The following HTR1F variants were observed in gnomAD, a reference collection of about 807,000 sequenced individuals.
HTR1F encodes 5-hydroxytryptamine receptor 1F, also known as 5-hydroxytryptamine (serotonin) receptor 1F, G protein-coupled.
HTR1F carries 17 observed loss-of-function variants against 24.0 expected under a neutral mutation model. The observed-to-expected ratio is 0.71, with a 90% CI of 0.48 to 1.06. HTR1F has a LOEUF of 1.06. Among genes scored for constraint, HTR1F ranks in the 50% least tolerant of loss-of-function variants. HTR1F has a pLI of 0.00. For synonymous variants in HTR1F, 186 were observed against 156.8 expected, an observed-to-expected ratio of 1.19 and a Z score of -1.39; for missense variants, 391 against 427.8, an observed-to-expected ratio of 0.91 and a Z score of 0.76.
At chr3:87,800,371 T>G (rs1197084820) in intron 1 of HTR1F, among the ~76,000 whole-genome samples, 1 of 152,174 alleles carries the variant, frequency 6.6e-6, no homozygotes, top group African/African-American at 2.4e-5. Flanking sequence ...TCCTTTCTTC[T>G]CTCAGCTCTG....
chr3:87,978,928 G>A (rs72917755), intron 2 of HTR1F, among the ~76,000 whole-genome samples: 9,893 of 70,210 alleles, frequency 0.14, 1,486 homozygotes, highest in African/African-American at 0.28. Context: ...AAGGAAGGAA[G>A]GAAGGAAAAG....
chr3:87,871,397 C>G (rs768081844), intron 2 of HTR1F, among the ~76,000 whole-genome samples: 107 of 151,856 alleles, frequency 7.0e-4, no homozygotes, highest in Admixed American at 1.5e-3. Flanking sequence ...GAAGAAAAGC[C>G]TATGGGACTT....
chr3:87,932,585 G>A (rs574002045), intron 2 of HTR1F, among the ~76,000 whole-genome samples: 2 of 152,244 alleles, frequency 1.3e-5, no homozygotes, highest in East Asian at 3.9e-4. Context: ...TGTGAAGAAA[G>A]TCATTGGTAG....
chr3:87,975,363 G>A (rs1705372503), intron 2 of HTR1F, among the ~76,000 whole-genome samples: 2 of 152,142 alleles, frequency 1.3e-5, no homozygotes, highest in African/African-American at 4.8e-5. Context: ...AAATCTTGGA[G>A]AATTGATACT....
intron 2 of HTR1F, among the ~76,000 whole-genome samples, chr3:87,907,181 A>G (rs1703684848): frequency 7.0e-6 from 1 of 141,896 alleles, no homozygotes; most frequent in African/African-American, 2.8e-5. Flanking sequence ...TTTTTACCAC[A>G]TCTATGCCAA....
At chr3:87,956,794 AACT>A (rs1704953730) in intron 2 of HTR1F, among the ~76,000 whole-genome samples, 1 of 151,358 alleles carries the variant, frequency 6.6e-6, no homozygotes, top group African/African-American at 2.4e-5. Flanking sequence ...TATTATATAA[AACT>A]ACAATTGATT....
chr3:87,807,111 GCT>G (rs1704086317), intron 1 of HTR1F, among the ~76,000 whole-genome samples: 1 of 151,802 alleles, frequency 6.6e-6, no homozygotes, highest in Non-Finnish European at 1.5e-5. Flanking sequence ...GGCTATTTGG[GCT>G]CTTTTAGTTT....
intron 2 of HTR1F, among the ~76,000 whole-genome samples, chr3:87,835,190 A>T (rs1420276512): frequency 6.6e-6 from 1 of 152,008 alleles, no homozygotes; most frequent in Non-Finnish European, 1.5e-5. Context: ...TTGAATCGTA[A>T]CTCTGCTCAG....
Position 87,823,113 on chromosome 3 carries a change from C to A in HTR1F, c.-43+989C>A, listed in dbSNP as rs539689149. On this transcript the variant is annotated intron_variant, in intron 2 of 2. Transcript: ENST00000319595. ...GGATTTTAATATTTTTAAGAGACAG[C>A]ATGACATATATCATGTAAGCTACTG... 3.3e-5 allele frequency among the ~76,000 whole-genome samples: 5 copies of A among 152,174 alleles called. No individual in the cohort carries two copies. The South Asian group carries it at 8.3e-4, about 25-fold the overall frequency.
chr3:87,981,724 T>G (rs1458410160), intron 2 of HTR1F, among the ~76,000 whole-genome samples: 1 of 152,178 alleles, frequency 6.6e-6, no homozygotes, highest in Non-Finnish European at 1.5e-5. Flanking sequence ...GTGTATTTCC[T>G]CTCTTTTCCA....
intron 2 of HTR1F, among the ~76,000 whole-genome samples, chr3:87,893,762 C>A (rs1430522605): frequency 6.6e-6 from 1 of 152,218 alleles, no homozygotes; most frequent in Non-Finnish European, 1.5e-5. Context: ...TTATGCTCAG[C>A]ATTCTTCTCT....
intron 2 of HTR1F, among the ~76,000 whole-genome samples, chr3:87,827,652 A>G (rs1704492880): frequency 6.6e-6 from 1 of 152,214 alleles, no homozygotes. Context: ...AGTTTTGTAA[A>G]TAAATGAATT....
intron 2 of HTR1F, among the ~76,000 whole-genome samples, chr3:87,852,967 T>TG (rs1424853696): frequency 7.3e-6 from 1 of 136,768 alleles, no homozygotes; most frequent in Non-Finnish European, 1.5e-5. Flanking sequence ...TTGTAGTGGC[T>TG]GTTTTTTTTT....
intron 2 of HTR1F, among the ~76,000 whole-genome samples, chr3:87,873,324 T>C (rs971972542): frequency 6.6e-6 from 1 of 151,938 alleles, no homozygotes; most frequent in East Asian, 1.9e-4. Flanking sequence ...TTAATAACCA[T>C]GGGAGTGGAA....
intron 1 of HTR1F, among the ~76,000 whole-genome samples, chr3:87,801,296 T>C (rs1355766936): frequency 2.0e-5 from 3 of 152,200 alleles, no homozygotes; most frequent in Non-Finnish European, 4.4e-5. Context: ...TTATACCTTA[T>C]AGTATACCAG....
intron 2 of HTR1F, among the ~76,000 whole-genome samples, chr3:87,939,851 G>T (rs2107436103): frequency 6.6e-6 from 1 of 152,170 alleles, no homozygotes; most frequent in South Asian, 2.1e-4. Flanking sequence ...GGTTTTTCAT[G>T]TCTCTATCTC....
chr3:87,964,106 T>G (rs1203255787), intron 2 of HTR1F, among the ~76,000 whole-genome samples: 1 of 152,156 alleles, frequency 6.6e-6, no homozygotes, highest in African/African-American at 2.4e-5. Context: ...TCTTTTTCCC[T>G]AAATTGGCTG....
At chr3:87,936,248 T>A (rs1377752141) in intron 2 of HTR1F, among the ~76,000 whole-genome samples, 1 of 152,244 alleles carries the variant, frequency 6.6e-6, no homozygotes, top group African/African-American at 2.4e-5. Context: ...AGAATAATTT[T>A]CTAAAAGAAT....
intron 1 of HTR1F, among the ~76,000 whole-genome samples, chr3:87,817,862 G>A (rs1559593363): frequency 1.3e-5 from 2 of 152,160 alleles, no homozygotes; most frequent in Non-Finnish European, 2.9e-5. Flanking sequence ...TGTTACTGAC[G>A]AAGTTATGCT....
Sources: allele counts gnomAD v4.1 joint callset (sites outside exome capture counted in the v4.1 genomes callset), GRCh38; gene constraint gnomAD v4.1.1; transcripts MANE v1.5; gene names NCBI Gene and HGNC (gene_info 2026-07-23, HGNC 2026-07-21).